Variants in NEO1 observed in about 807,000 individuals in gnomAD.
NEO1 encodes neogenin.
A neutral mutation model predicts 159.7 loss-of-function variants in NEO1; 63 were observed. The observed-to-expected ratio is 0.39, with a 90% CI of 0.32 to 0.49. The LOEUF (loss-of-function observed/expected upper bound fraction) is 0.49. NEO1 is among the 20% of genes least tolerant of loss of function. The pLI is 0.85. For synonymous variants in NEO1, 633 were observed against 662.0 expected, an observed-to-expected ratio of 0.96 and a Z score of 0.67; for missense variants, 1,615 against 1,831.0, an observed-to-expected ratio of 0.88 and a Z score of 2.15.
rs1131854 is a variant in NEO1 at position 73,272,540 on chromosome 15, C to A, written c.2943C>A (p.Ser981=). Reference sequence around the variant, plus strand: ...TAATTGTGAATTGGCAGCCTCCCTCCGAAGCCAATGGCAAAATTACAGGTA... The same window carrying A: ...TAATTGTGAATTGGCAGCCTCCCTCAGAAGCCAATGGCAAAATTACAGGTA... ...KTIIVNWQPP[S]EANGKITGYI... The change falls in exon 19 of 29, where the codon TCC becomes TCA. Residue 981 remains serine (S), a synonymous_variant. Transcript: ENST00000261908. 6.2e-7 allele frequency: 1 copy of A among 1,610,504 alleles called. No individual in the cohort carries two copies. The highest frequency in any genetic ancestry group is 8.5e-7 in the Non-Finnish European group (1 of 1,177,212).
chr15:73,143,327 T>C (rs548226687), intron 5 of NEO1: 1 of 156,476 alleles, frequency 6.4e-6, no homozygotes, highest in South Asian at 2.0e-4. Flanking sequence ...ATACATTCAG[T>C]TTGGCTCTGT....
At chr15:73,292,711 G>A (rs547682582) in intron 25 of NEO1, among the ~76,000 whole-genome samples, 1 of 152,368 alleles carries the variant, frequency 6.6e-6, no homozygotes, top group African/African-American at 2.4e-5. Flanking sequence ...AGATGGGTAT[G>A]TCTGAGTCCC....
At chr15:73,225,371 A>T (rs913072851) in intron 7 of NEO1, among the ~76,000 whole-genome samples, 1 of 151,998 alleles carries the variant, frequency 6.6e-6, no homozygotes, top group Non-Finnish European at 1.5e-5. Flanking sequence ...AACTTCCAAG[A>T]TTATATACCC....
Position 73,301,361 on chromosome 15 carries a change from C to T in NEO1, c.4206C>T (p.Ile1402=), listed in dbSNP as rs553567223. ...TTCACTCAGTGAAGACAGCCTCCAT[C>T]GGGACTCTAGGAAGGAGCCGGCCTC... ...HHIHSVKTAS[I]GTLGRSRPPM... The change falls in exon 28 of 29, where the codon ATC becomes ATT. Residue 1402 remains isoleucine, a synonymous_variant. Transcript: ENST00000261908. 8.1e-6 allele frequency: 13 copies of T among 1,614,164 alleles called. No homozygotes were observed. Among genetic ancestry groups the T allele is most frequent in the East Asian group, 2.2e-5 (1 of 44,882 alleles).
In NEO1 at chr15:73,244,349, G is replaced by A. The variant is rs766771309; in HGVS notation, c.1457G>A (p.Arg486His). ...FYTKEGIARERVENTSHPGEM... is the reference protein window; with the variant it reads ...FYTKEGIAREHVENTSHPGEM... ...TCCAAATCCTTTGTCTAAAGGGAACGTGTTGAGAATACCAGTCACCCAGGA... is the reference window on the plus strand; with the variant it reads ...TCCAAATCCTTTGTCTAAAGGGAACATGTTGAGAATACCAGTCACCCAGGA... Residue 486 changes from arginine (R) to histidine (H), a missense_variant, in exon 9 of 29, where the codon CGT becomes CAT. This residue lies in a region of NEO1 where 1,018 missense variants were observed against 1,115.4 expected (regional missense o/e 0.91). Coordinates refer to ENST00000261908, the MANE Select transcript of NEO1 (RefSeq NM_002499.4). 1.1e-5 allele frequency: 18 copies of A among 1,613,018 alleles called. No individual in the cohort carries two copies. The highest frequency in any genetic ancestry group is 4.4e-5 in the South Asian group (4 of 90,958).
chr15:73,086,602 C>T (rs934746039), intron 1 of NEO1, among the ~76,000 whole-genome samples: 15 of 149,030 alleles, frequency 1.0e-4, no homozygotes, highest in African/African-American at 3.7e-4. Flanking sequence ...ACTCTGTCAC[C>T]CAGGCTGGAG....
chr15:73,278,303 T>C, intron 22 of NEO1, 104 bp downstream of exon 22: 3 of 932,886 alleles, frequency 3.2e-6, no homozygotes, highest in Non-Finnish European at 4.9e-6. Flanking sequence ...GGTTGTAGCA[T>C]ATTAGCCTGT....
intron 21 of NEO1, among the ~76,000 whole-genome samples, chr15:73,274,997 T>A (rs1567668956): frequency 6.6e-6 from 1 of 152,152 alleles, no homozygotes; most frequent in Non-Finnish European, 1.5e-5. Context: ...GATCATCCTT[T>A]GTGCTGAGAT....
Position 73,253,384 on chromosome 15 carries a change from T to C in NEO1, c.1895-16T>C. On this transcript the variant is annotated splice_polypyrimidine_tract_variant and intron_variant, in intron 11 of 28. Coordinates refer to ENST00000261908, the MANE Select transcript of NEO1 (RefSeq NM_002499.4). ...TGATTAAAAAAAAAATTTTTTTTTT[T>C]TTTTTGTTTCTCTAGTTCCCAGTGC... 6.5e-7 allele frequency: 1 copy of C among 1,541,548 alleles called. No individual in the cohort carries two copies. The highest frequency in any genetic ancestry group is 8.7e-7 in the Non-Finnish European group (1 of 1,150,250).
chr15:73,089,250 CAT>C (rs2069540834), intron 1 of NEO1, among the ~76,000 whole-genome samples: 1 of 151,896 alleles, frequency 6.6e-6, no homozygotes, highest in Admixed American at 6.5e-5. Flanking sequence ...TAAGACCGGA[CAT>C]AAGTATGTGT....
chr15:73,120,000 G>A (rs1185389677), intron 2 of NEO1, among the ~76,000 whole-genome samples: 9 of 152,084 alleles, frequency 5.9e-5, no homozygotes, highest in Non-Finnish European at 1.5e-5. Context: ...AGCCAGTATG[G>A]TGGTGCCCGC....
chr15:73,250,491 A>T (rs1223794100), intron 11 of NEO1, among the ~76,000 whole-genome samples: 2 of 152,320 alleles, frequency 1.3e-5, no homozygotes, highest in East Asian at 1.9e-4. Flanking sequence ...CAAACTTAAC[A>T]TCACCAATAA....
At chr15:73,204,444 G>A (rs148686836) in intron 7 of NEO1, among the ~76,000 whole-genome samples, 232 of 151,932 alleles carry the variant, frequency 1.5e-3, no homozygotes, top group African/African-American at 5.3e-3. Flanking sequence ...TTTTGATAAT[G>A]CCCCATGATT....
chr15:73,287,309 T>C (rs2041984373), intron 23 of NEO1, among the ~76,000 whole-genome samples: 1 of 152,236 alleles, frequency 6.6e-6, no homozygotes, highest in Non-Finnish European at 1.5e-5. Context: ...GTTTTTCCTG[T>C]TCAGCTTAAG....
intron 7 of NEO1, among the ~76,000 whole-genome samples, chr15:73,193,300 C>G (rs2036340832): frequency 6.6e-6 from 1 of 151,876 alleles, no homozygotes; most frequent in Non-Finnish European, 1.5e-5. Flanking sequence ...ATTATAGAGT[C>G]TAGCTAGAAT....
intron 22 of NEO1, among the ~76,000 whole-genome samples, chr15:73,278,486 A>C (rs2041523873): frequency 6.6e-6 from 1 of 152,218 alleles, no homozygotes; most frequent in Admixed American, 6.5e-5. Context: ...GCTTTCAAAA[A>C]TAAACCCTCT....
chr15:73,233,392 T>C (rs2039015998), intron 7 of NEO1, among the ~76,000 whole-genome samples: 1 of 152,230 alleles, frequency 6.6e-6, no homozygotes, highest in African/African-American at 2.4e-5. Flanking sequence ...ACACTTTGTG[T>C]CAACCAAAGA....
chr15:73,187,224 A>T (rs753599108), intron 7 of NEO1, among the ~76,000 whole-genome samples: 8 of 152,226 alleles, frequency 5.3e-5, no homozygotes, highest in Non-Finnish European at 8.8e-5. Context: ...TTAAGCTCAG[A>T]TAGTGATCAC....
At chr15:73,205,443 T>C (rs1420958653) in intron 7 of NEO1, among the ~76,000 whole-genome samples, 1 of 152,216 alleles carries the variant, frequency 6.6e-6, no homozygotes, top group Non-Finnish European at 1.5e-5. Flanking sequence ...TGTTTCATGA[T>C]GGTTACTCTT....
Sources: allele counts gnomAD v4.1 joint callset (sites outside exome capture counted in the v4.1 genomes callset), GRCh38; gene constraint gnomAD v4.1.1; regional missense constraint gnomAD v4.1.1; transcripts MANE v1.5; gene names NCBI Gene and HGNC (gene_info 2026-07-23, HGNC 2026-07-21).